Variants in CACHD1 observed in about 807,000 individuals in gnomAD.
CACHD1 encodes the protein cache domain containing 1.
Under a neutral mutation model 138.7 loss-of-function variants are expected in CACHD1, and 71 were observed. The observed-to-expected ratio is 0.51, with a 90% CI of 0.42 to 0.62. The LOEUF is 0.62. Among genes scored for constraint, CACHD1 ranks in the 20% least tolerant of loss-of-function variants. The pLI, the probability that CACHD1 is intolerant of heterozygous loss-of-function variation, is 0.00. For missense variants in CACHD1, 1,389 were observed against 1,625.3 expected, an observed-to-expected ratio of 0.85 and a Z score of 2.50; for synonymous variants, 578 against 591.5, an observed-to-expected ratio of 0.98 and a Z score of 0.33.
chr1:64,571,281 G>T (rs1253717309), intron 2 of CACHD1, among the ~76,000 whole-genome samples: 1 of 152,046 alleles, frequency 6.6e-6, no homozygotes, highest in Non-Finnish European at 1.5e-5. Context: ...GTACAAATTT[G>T]TTACTCTAAA....
intron 1 of CACHD1, among the ~76,000 whole-genome samples, chr1:64,482,584 T>G (rs533825155): frequency 2.0e-5 from 3 of 152,210 alleles, no homozygotes; most frequent in East Asian, 1.9e-4. Context: ...AGATTGGGTT[T>G]GTTTGTTTGT....
chr1:64,690,773 C>T (rs868760988), intron 26 of CACHD1, among the ~76,000 whole-genome samples: 4 of 152,190 alleles, frequency 2.6e-5, no homozygotes, highest in East Asian at 1.9e-4. Context: ...CAAGCAAGCA[C>T]GCAGGTGATG....
chr1:64,487,362 G>A (rs1646249559), intron 1 of CACHD1, among the ~76,000 whole-genome samples: 1 of 152,068 alleles, frequency 6.6e-6, no homozygotes, highest in African/African-American at 2.4e-5. Context: ...GGATGCCTTG[G>A]GCTCACTCTG....
intron 1 of CACHD1, among the ~76,000 whole-genome samples, chr1:64,518,677 C>G (rs1646476617): frequency 6.6e-6 from 1 of 152,042 alleles, no homozygotes; most frequent in Non-Finnish European, 1.5e-5. Context: ...TTTCTTTGTG[C>G]CTCATGGGAT....
chr1:64,555,331 AG>A (rs1246684376), intron 2 of CACHD1, among the ~76,000 whole-genome samples: 3 of 152,060 alleles, frequency 2.0e-5, no homozygotes, highest in Non-Finnish European at 4.4e-5. Context: ...ATTTTAACTC[AG>A]TTTTTTAAAA....
intron 1 of CACHD1, among the ~76,000 whole-genome samples, chr1:64,492,883 C>T (rs1048491565): frequency 5.9e-5 from 9 of 152,220 alleles, no homozygotes; most frequent in Non-Finnish European, 8.8e-5. Context: ...TGTTTTCTTA[C>T]ACCTAAGCTT....
intron 26 of CACHD1, 112 bp downstream of exon 26, chr1:64,682,218 C>T: frequency 1.1e-6 from 1 of 896,452 alleles, no homozygotes; most frequent in Non-Finnish European, 1.8e-6. Context: ...CCCCAGCATG[C>T]CACTGGTTTA....
At chr1:64,562,211 G>A (rs1646845612) in intron 2 of CACHD1, among the ~76,000 whole-genome samples, 1 of 151,892 alleles carries the variant, frequency 6.6e-6, no homozygotes, top group South Asian at 2.1e-4. Context: ...TCAAATTTGG[G>A]GACTTTGGGA....
At chr1:64,523,604 A>G (rs1646514324) in intron 1 of CACHD1, among the ~76,000 whole-genome samples, 1 of 152,196 alleles carries the variant, frequency 6.6e-6, no homozygotes, top group Admixed American at 6.5e-5. Context: ...CCTGTGGCTC[A>G]CAGTGCCGTT....
chr1:64,494,376 GA>G (rs1646294756), intron 1 of CACHD1, among the ~76,000 whole-genome samples: 1 of 152,146 alleles, frequency 6.6e-6, no homozygotes, highest in Non-Finnish European at 1.5e-5. Context: ...TAATTTGAAA[GA>G]AATCTCTGCA....
At chr1:64,537,527 A>G (rs938292642) in intron 1 of CACHD1, among the ~76,000 whole-genome samples, 1 of 152,156 alleles carries the variant, frequency 6.6e-6, no homozygotes, top group African/African-American at 2.4e-5. Flanking sequence ...CGGAGCTTAT[A>G]AAGGCACCGG....
chr1:64,605,696 C>T (rs555917457), intron 4 of CACHD1, among the ~76,000 whole-genome samples: 2 of 152,238 alleles, frequency 1.3e-5, no homozygotes, highest in African/African-American at 4.8e-5. Context: ...CCAAGACCAC[C>T]CACATCAGTG....
Position 64,573,860 on chromosome 1 carries a change from A to G in CACHD1, c.262-8296A>G, listed in dbSNP as rs143795037. ...AGGGCTGTTGTGAAGATTAAAAGGC[A>G]TCAGGTAAAGTCACATGTCACACAG... On this transcript the variant is annotated intron_variant, in intron 2 of 26. Coordinates refer to ENST00000651257, the MANE Select transcript of CACHD1 (RefSeq NM_020925.4). Among the ~76,000 whole-genome samples the G allele has an allele frequency of 2.3e-3, 346 of 152,344 alleles. 3 individuals are homozygous for G. Among genetic ancestry groups the G allele is most frequent in the African/African-American group, 7.8e-3 (326 of 41,572 alleles).
intron 1 of CACHD1, among the ~76,000 whole-genome samples, chr1:64,534,420 G>A (rs1012563591): frequency 6.6e-6 from 1 of 152,172 alleles, no homozygotes; most frequent in African/African-American, 2.4e-5. Context: ...CAAAAGTATA[G>A]ATTTGGGGCT....
chr1:64,487,721 T>G (rs1464599101), intron 1 of CACHD1, among the ~76,000 whole-genome samples: 15 of 152,206 alleles, frequency 9.9e-5, no homozygotes, highest in Admixed American at 9.8e-4. Context: ...CATGGTGGTG[T>G]TACGTCAACC....
chr1:64,691,609 G>A lies in CACHD1; in HGVS notation c.*48G>A. Reference sequence around the variant, plus strand: ...AGATGAGATCTGGGAGCTACAGAATGTTCTGGAAAGAAAAAGAACCGGCTT... The same window carrying A: ...AGATGAGATCTGGGAGCTACAGAATATTCTGGAAAGAAAAAGAACCGGCTT... On this transcript the variant is annotated 3_prime_UTR_variant, in exon 27 of 27. Transcript: ENST00000651257. The A allele has an allele frequency of 6.4e-7, 1 of 1,553,490 alleles. No homozygotes were observed.
At chr1:64,549,423 T>A (rs1646742118) in intron 1 of CACHD1, among the ~76,000 whole-genome samples, 1 of 152,156 alleles carries the variant, frequency 6.6e-6, no homozygotes, top group African/African-American at 2.4e-5. Context: ...GGAGGCACCA[T>A]GATTTGTAAT....
rs17126727 is a variant in CACHD1 at position 64,590,831 on chromosome 1, C to A, written c.410+8527C>A. On this transcript the variant is annotated intron_variant, in intron 3 of 26. Transcript: ENST00000651257. ...AAGTTCAGTTGTGATGTAAATTATA[C>A]CTGAGTCATGTAGTACAAAGAGTGG... 7.3e-3 allele frequency among the ~76,000 whole-genome samples: 1,113 copies of A among 152,256 alleles called. 15 individuals are homozygous for A. The highest frequency in any genetic ancestry group is 0.026 in the African/African-American group (1,074 of 41,544).
chr1:64,629,442 A>G lies in CACHD1; in HGVS notation c.605A>G (p.His202Arg). ...GGAATTTTCACTGTTTTCCCAGCACACAAGTTCCGGTGTAAGGGCAGCTAC... is the reference window on the plus strand; with the variant it reads ...GGAATTTTCACTGTTTTCCCAGCACGCAAGTTCCGGTGTAAGGGCAGCTAC... The part of the protein sequence containing the change: ...EEGIFTVFPA[H>R]KFRCKGSYEH... The change falls in exon 5 of 27, where the codon CAC becomes CGC. Residue 202 changes from histidine (H) to arginine (R), a missense_variant. His to Arg is a conservative substitution (Grantham distance 29). This residue lies in a region of CACHD1 where 1,000 missense variants were observed against 1,114.7 expected (regional missense o/e 0.90). Coordinates refer to ENST00000651257, the MANE Select transcript of CACHD1 (RefSeq NM_020925.4). The G allele has an allele frequency of 6.2e-7, 1 of 1,614,146 alleles. No individual in the cohort carries two copies. The highest frequency in any genetic ancestry group is 8.5e-7 in the Non-Finnish European group (1 of 1,179,980).
Sources: allele counts gnomAD v4.1 joint callset (sites outside exome capture counted in the v4.1 genomes callset), GRCh38; gene constraint gnomAD v4.1.1; regional missense constraint gnomAD v4.1.1; transcripts MANE v1.5; gene names NCBI Gene and HGNC (gene_info 2026-07-23, HGNC 2026-07-21).